KCMF1: variants seen among roughly 807,000 people sequenced by gnomAD.
The protein encoded by KCMF1 is potassium channel modulatory factor 1, also known as E3 ubiquitin-protein ligase KCMF1.
A neutral mutation model predicts 41.1 loss-of-function variants in KCMF1; 3 were observed. That is an observed-to-expected ratio of 0.07 (90% CI 0.03 to 0.19). The LOEUF (loss-of-function observed/expected upper bound fraction) is 0.19, where lower values mean the gene tolerates loss of function less well. KCMF1 is among the 10% of genes least tolerant of loss of function. The probability of loss-of-function intolerance (pLI) is 1.00; values close to 1 mark genes in which losing one functional copy is unlikely to be tolerated. For missense variants in KCMF1, 286 were observed against 488.9 expected, an observed-to-expected ratio of 0.58 and a Z score of 3.91; for synonymous variants, 142 against 164.5, an observed-to-expected ratio of 0.86 and a Z score of 1.04.
chr2:85,023,207 A>C (rs1316537420), intron 1 of KCMF1, among the ~76,000 whole-genome samples: 1 of 150,634 alleles, frequency 6.6e-6, no homozygotes, highest in African/African-American at 2.4e-5. Context: ...GTATTCTTTG[A>C]AATTTCCTTT....
chr2:84,989,530 G>C (rs570947947), intron 1 of KCMF1, among the ~76,000 whole-genome samples: 7 of 152,166 alleles, frequency 4.6e-5, no homozygotes, highest in Non-Finnish European at 1.0e-4. Flanking sequence ...TTGGAGGATG[G>C]ATCTGCAGGG....
chr2:85,007,371 C>G (rs140583206), intron 1 of KCMF1, among the ~76,000 whole-genome samples: 2 of 152,308 alleles, frequency 1.3e-5, no homozygotes, highest in African/African-American at 4.8e-5. Context: ...CCCGAGTTTC[C>G]AAGAGTCTGG....
chr2:84,976,745 A>C (rs201531539), intron 1 of KCMF1, among the ~76,000 whole-genome samples: 2 of 152,256 alleles, frequency 1.3e-5, no homozygotes, highest in East Asian at 3.9e-4. Flanking sequence ...GATAGTGGAT[A>C]AATGAGCAGG....
At chr2:85,019,536 G>A (rs1431704142) in intron 1 of KCMF1, among the ~76,000 whole-genome samples, 1 of 152,040 alleles carries the variant, frequency 6.6e-6, no homozygotes, top group Non-Finnish European at 1.5e-5. Flanking sequence ...AATGAGAAAG[G>A]ATGATAGCAG....
intron 1 of KCMF1, among the ~76,000 whole-genome samples, chr2:84,981,964 G>T (rs907101487): frequency 6.6e-6 from 1 of 151,896 alleles, no homozygotes; most frequent in African/African-American, 2.4e-5. Flanking sequence ...ATTTTTTTTA[G>T]TAGAGACAGA....
chr2:84,971,496 C>T, intron 1 of KCMF1, 29 bp downstream of exon 1: 1 of 1,207,396 alleles, frequency 8.3e-7, no homozygotes, highest in Non-Finnish European at 1.1e-6. Flanking sequence ...CCCACCCGCA[C>T]CTCCCGGGCC....
chr2:85,005,780 G>A (rs565481730), intron 1 of KCMF1, among the ~76,000 whole-genome samples: 13 of 152,176 alleles, frequency 8.5e-5, no homozygotes, highest in African/African-American at 3.1e-4. Context: ...AAAATGCTGG[G>A]ATTATAGGCA....
chr2:85,026,338 T>C lies in KCMF1; in HGVS notation c.17-1551T>C, dbSNP rs1675102540. Among the ~76,000 whole-genome samples the C allele has an allele frequency of 2.0e-5, 3 of 151,718 alleles. No homozygotes were observed. In the East Asian group the frequency reaches 5.8e-4, roughly 29 times the overall value. The stretch of plus-strand genomic sequence containing the variant: ...AACAAATACAAATGAGATCTCTCTA[T>C]GTTGCCTTGGCTGGTCTTGAACTCC... On this transcript the variant is annotated intron_variant, in intron 1 of 6. Transcript: ENST00000409785.
chr2:85,043,690 A>G lies in KCMF1; in HGVS notation c.426+25A>G, dbSNP rs192294108. 2,186 of 1,429,444 alleles carry G rather than the reference A, an allele frequency of 1.5e-3. 4 individuals are homozygous for G. Among genetic ancestry groups the G allele is most frequent in the Non-Finnish European group, 1.7e-3 (1,774 of 1,015,462 alleles). 88.5% of individuals were successfully genotyped at this position (1,429,444 alleles called of 1,614,324 possible). A position where few individuals can be genotyped will look rare whatever the true frequency, so the allele number is the denominator to read the frequency against. On this transcript the variant is annotated intron_variant, in intron 4 of 6. Coordinates refer to ENST00000409785, the MANE Select transcript of KCMF1 (RefSeq NM_020122.5). ...AATATCCTTTTAAGAGATGACAAGG[A>G]AAAGAGTTGTTTGTAATGTTTGTCA...
intron 1 of KCMF1, among the ~76,000 whole-genome samples, chr2:85,005,081 A>G (rs1468840645): frequency 2.0e-5 from 3 of 151,820 alleles, no homozygotes; most frequent in Middle Eastern, 3.4e-3. Flanking sequence ...TAATTTCTGT[A>G]TTTTTAGTAG....
At chr2:85,049,842 A>G (rs142386953) in intron 6 of KCMF1, among the ~76,000 whole-genome samples, 194 bp downstream of exon 6, 173 of 152,322 alleles carry the variant, frequency 1.1e-3, no homozygotes, top group African/African-American at 3.8e-3. Flanking sequence ...TTTTAGATAA[A>G]TTAAGAATAC....
At position 84,985,828 on chromosome 2, in the gene KCMF1, C is replaced by CAAA. The variant is rs531502850; in HGVS notation, c.16+14371_16+14373dup. Reference sequence around the variant, plus strand: ...TGGGTGACAGAGCCAGACTCCATCTCAAAAAAAAAAAACCCTTGGGCCTAG... The same window carrying CAAA: ...TGGGTGACAGAGCCAGACTCCATCTCAAAAAAAAAAAAAAACCCTTGGGCCTAG... On this transcript the variant is annotated intron_variant, in intron 1 of 6. Coordinates refer to ENST00000409785, the MANE Select transcript of KCMF1 (RefSeq NM_020122.5). Among the ~76,000 whole-genome samples the CAAA allele has an allele frequency of 5.0e-5, 6 of 119,708 alleles. No homozygotes were observed. The South Asian group carries it at 1.3e-3, about 26-fold the overall frequency. The allele number at this position is 119,708 out of a possible 152,430, so 78.5% of individuals were successfully genotyped here.
chr2:85,024,611 T>C (rs376616334), intron 1 of KCMF1, among the ~76,000 whole-genome samples: 5 of 150,310 alleles, frequency 3.3e-5, no homozygotes, highest in African/African-American at 4.9e-5. Flanking sequence ...TGTGTGCGCG[T>C]GTGTGTGTGA....
At position 85,054,614 on chromosome 2, in the gene KCMF1, T is replaced by C. The variant is rs1180554714; in HGVS notation, c.*1205T>C. ...TTTGGAAGGGCCGGGTTATTTTTTA[T>C]TTCCTGTTTCAGTTTTTGTGCATAG... is the stretch of plus-strand genomic sequence containing the variant. On this transcript the variant is annotated 3_prime_UTR_variant, in exon 7 of 7. Coordinates refer to ENST00000409785, the MANE Select transcript of KCMF1 (RefSeq NM_020122.5). The C allele has an allele frequency of 6.6e-6, 1 of 152,188 alleles. No homozygotes were observed. The highest frequency in any genetic ancestry group is 1.5e-5 in the Non-Finnish European group (1 of 68,034). 9.4% of individuals were successfully genotyped at this position (152,188 alleles called of 1,614,324 possible).
rs1208860538 is a variant in KCMF1 at position 85,053,372 on chromosome 2, G to A, written c.1109G>A (p.Ser370Asn). The A allele has an allele frequency of 1.2e-6, 2 of 1,613,158 alleles. No homozygotes were observed. Among genetic ancestry groups the A allele is most frequent in the Middle Eastern group, 1.6e-4 (1 of 6,084 alleles). The part of the protein sequence containing the change: ...VALENLNLKE[S>N]NKGNEPPPPP... ...TTAGAAAACCTAAATTTAAAAGAGA[G>A]TAATAAAGGAAATGAGCCTCCACCA... is the stretch of plus-strand genomic sequence containing the variant. Residue 370 changes from serine (S) to asparagine (N), a missense_variant, in exon 7 of 7, where the codon AGT becomes AAT. By Grantham distance (46) the Ser-to-Asn change is conservative (BLOSUM62 1). Transcript: ENST00000409785.
At chr2:85,000,189 A>C (rs1674292949) in intron 1 of KCMF1, among the ~76,000 whole-genome samples, 2 of 151,914 alleles carry the variant, frequency 1.3e-5, no homozygotes. Flanking sequence ...GCAGTGGCAC[A>C]GTCTCGGCTC....
chr2:85,049,310 C>T (rs1239755379), intron 5 of KCMF1, 56 bp from the exon 6 acceptor site: 9 of 1,532,928 alleles, frequency 5.9e-6, no homozygotes, highest in Admixed American at 3.5e-5. Flanking sequence ...TGATCTGTAG[C>T]GTTTTGTTTT....
chr2:84,983,455 T>C (rs116597432), intron 1 of KCMF1, among the ~76,000 whole-genome samples: 1 of 151,886 alleles, frequency 6.6e-6, no homozygotes, highest in Admixed American at 6.6e-5. Flanking sequence ...ATCTCCTGAG[T>C]GGATAGGACT....
At chr2:85,010,370 G>A (rs1440157778) in intron 1 of KCMF1, among the ~76,000 whole-genome samples, 2 of 152,184 alleles carry the variant, frequency 1.3e-5, no homozygotes, top group Non-Finnish European at 2.9e-5. Context: ...TTGGGTGGCT[G>A]AGGCATGAGA....
Sources: allele counts gnomAD v4.1 joint callset (sites outside exome capture counted in the v4.1 genomes callset), GRCh38; gene constraint gnomAD v4.1.1; transcripts MANE v1.5; gene names NCBI Gene and HGNC (gene_info 2026-07-23, HGNC 2026-07-21).